The following PTPRD variants were observed in gnomAD, a reference collection of about 807,000 sequenced individuals.
PTPRD encodes receptor-type tyrosine-protein phosphatase delta.
Under a neutral mutation model 214.5 loss-of-function variants are expected in PTPRD, and 34 were observed. The observed-to-expected ratio is 0.16, with a 90% CI of 0.12 to 0.21. PTPRD has a LOEUF of 0.21. Ranked by LOEUF, PTPRD falls within the 10% of genes least tolerant of loss-of-function variation. PTPRD has a pLI of 1.00. For missense variants in PTPRD, 2,545 were observed against 2,398.7 expected, an observed-to-expected ratio of 1.06 and a Z score of -1.27; for synonymous variants, 1,128 against 845.7, an observed-to-expected ratio of 1.33 and a Z score of -5.79.
intron 5 of PTPRD, among the ~76,000 whole-genome samples, chr9:9,767,800 T>C (rs1442283371): frequency 6.6e-6 from 1 of 152,170 alleles, no homozygotes; most frequent in African/African-American, 2.4e-5. Context: ...CCATATTTAA[T>C]ATTCTCAAAC....
At chr9:8,560,468 C>T (rs1440219114) in intron 14 of PTPRD, among the ~76,000 whole-genome samples, 1 of 138,880 alleles carries the variant, frequency 7.2e-6, no homozygotes, top group African/African-American at 3.1e-5. Flanking sequence ...CACACACACA[C>T]ACACATATAT....
chr9:10,143,286 A>C (rs1355003180), intron 3 of PTPRD, among the ~76,000 whole-genome samples: 1 of 151,730 alleles, frequency 6.6e-6, no homozygotes, highest in Non-Finnish European at 1.5e-5. Flanking sequence ...ATAATAAATA[A>C]AATAAAATAA....
At chr9:9,286,133 C>A (rs1320028624) in intron 9 of PTPRD, among the ~76,000 whole-genome samples, 1 of 151,788 alleles carries the variant, frequency 6.6e-6, no homozygotes, top group Admixed American at 6.6e-5. Context: ...CTATCCTCTT[C>A]TTTCTCCCAC....
chr9:10,442,590 T>A lies in PTPRD; in HGVS notation c.-599-101573A>T, dbSNP rs189857396. Among the ~76,000 whole-genome samples the A allele has an allele frequency of 2.1e-3, 311 of 151,674 alleles. 2 individuals are homozygous for A. Among genetic ancestry groups the A allele is most frequent in the Middle Eastern group, 6.8e-3 (2 of 294 alleles). ...ATAGGTAAATTAACAAAGCAAGGGTTAATAAGGGAGAGAACTTGGTAGCAA... is the reference window on the plus strand; with the variant it reads ...ATAGGTAAATTAACAAAGCAAGGGTAAATAAGGGAGAGAACTTGGTAGCAA... On this transcript the variant is annotated intron_variant, in intron 2 of 45. Transcript: ENST00000381196.
intron 3 of PTPRD, among the ~76,000 whole-genome samples, chr9:10,089,533 T>G (rs1345608617): frequency 6.6e-6 from 1 of 151,626 alleles, no homozygotes; most frequent in Non-Finnish European, 1.5e-5. Context: ...AATGTCATAA[T>G]AATGTTGAGG....
chr9:9,312,976 T>C (rs549057334), intron 9 of PTPRD, among the ~76,000 whole-genome samples: 11 of 152,338 alleles, frequency 7.2e-5, no homozygotes, highest in African/African-American at 2.6e-4. Flanking sequence ...TACTCATGGA[T>C]TGACACAAAA....
In PTPRD at chr9:8,989,960, A is replaced by C. The variant is rs142153340; in HGVS notation, c.-104+28737T>G. Among the ~76,000 whole-genome samples, 769 of 152,326 alleles carry C rather than the reference A, an allele frequency of 5.0e-3. 7 individuals carry two copies. Among genetic ancestry groups the C allele is most frequent in the African/African-American group, 0.017 (724 of 41,574 alleles). On this transcript the variant is annotated intron_variant, in intron 11 of 45. Transcript: ENST00000381196. The stretch of plus-strand genomic sequence containing the variant: ...TATTTACTCAGACAGTTCTCTTTAT[A>C]AGGGCTATAAAGAAACTTATTTGAA...
chr9:10,146,313 C>T (rs1443439658), intron 3 of PTPRD, among the ~76,000 whole-genome samples: 1 of 151,798 alleles, frequency 6.6e-6, no homozygotes, highest in African/African-American at 2.4e-5. Context: ...ACTATCTAGG[C>T]AGAAAAACAC....
chr9:10,544,070 GA>G (rs2135403222), intron 2 of PTPRD, among the ~76,000 whole-genome samples: 1 of 152,030 alleles, frequency 6.6e-6, no homozygotes, highest in East Asian at 1.9e-4. Flanking sequence ...TAATAACTTT[GA>G]AAAACAAATA....
intron 7 of PTPRD, among the ~76,000 whole-genome samples, chr9:9,617,320 T>C (rs2094933661): frequency 6.6e-6 from 1 of 152,132 alleles, no homozygotes; most frequent in South Asian, 2.1e-4. Context: ...AAGCATGTTA[T>C]TGGAGGTAGA....
intron 5 of PTPRD, among the ~76,000 whole-genome samples, chr9:9,788,936 T>C (rs2098947106): frequency 6.6e-6 from 1 of 152,206 alleles, no homozygotes; most frequent in Admixed American, 6.5e-5. Context: ...GTTATCGCTT[T>C]ACTCACAAGT....
At chr9:9,778,405 G>A (rs1456726566) in intron 5 of PTPRD, among the ~76,000 whole-genome samples, 2 of 152,184 alleles carry the variant, frequency 1.3e-5, no homozygotes, top group African/African-American at 2.4e-5. Flanking sequence ...CCTTCAGGTG[G>A]TGTGTAGCAC....
chr9:10,200,445 G>T (rs1436319145), intron 3 of PTPRD, among the ~76,000 whole-genome samples: 1 of 152,046 alleles, frequency 6.6e-6, no homozygotes, highest in Non-Finnish European at 1.5e-5. Flanking sequence ...ATTAAACAAG[G>T]CATAAGACAG....
At chr9:10,284,954 C>G (rs2095293950) in intron 3 of PTPRD, among the ~76,000 whole-genome samples, 1 of 152,156 alleles carries the variant, frequency 6.6e-6, no homozygotes. Context: ...AATGAGTCTT[C>G]TATATCAGCA....
intron 2 of PTPRD, among the ~76,000 whole-genome samples, chr9:10,353,989 A>G (rs887048099): frequency 6.6e-5 from 10 of 152,116 alleles, no homozygotes; most frequent in African/African-American, 2.2e-4. Context: ...GACATAAAGA[A>G]TAATATAGTG....
In PTPRD at chr9:9,203,787, T is replaced by A. The variant is rs761492458; in HGVS notation, c.-202-20424A>T. Among the ~76,000 whole-genome samples, 76 of 152,198 alleles carry A rather than the reference T, an allele frequency of 5.0e-4. 1 individual carries two copies. Among genetic ancestry groups the A allele is most frequent in the Non-Finnish European group, 9.7e-4 (66 of 68,042 alleles). On this transcript the variant is annotated intron_variant, in intron 9 of 45. Coordinates refer to ENST00000381196, the MANE Select transcript of PTPRD (RefSeq NM_002839.4). Reference sequence around the variant, plus strand: ...ATGGACTCAGACAAACAATACATGCTTTATAGCAAAGAAAAAGGTCTTAGG... The same window carrying A: ...ATGGACTCAGACAAACAATACATGCATTATAGCAAAGAAAAAGGTCTTAGG...
At chr9:9,485,045 A>G (rs2095570718) in intron 8 of PTPRD, among the ~76,000 whole-genome samples, 1 of 152,208 alleles carries the variant, frequency 6.6e-6, no homozygotes, top group African/African-American at 2.4e-5. Flanking sequence ...TTGTTCCCCA[A>G]AGTGCATTCA....
At chr9:9,023,055 T>C (rs1474108602) in intron 10 of PTPRD, among the ~76,000 whole-genome samples, 2 of 152,146 alleles carry the variant, frequency 1.3e-5, no homozygotes, top group African/African-American at 2.4e-5. Context: ...ATCCCAGATT[T>C]TTGTTTCTTC....
chr9:9,294,055 TAACTAAG>T (rs1183014946), intron 9 of PTPRD, among the ~76,000 whole-genome samples: 3 of 151,646 alleles, frequency 2.0e-5, no homozygotes, highest in Non-Finnish European at 2.9e-5. Flanking sequence ...GTTGACCTGA[TAACTAAG>T]AAGGCTGTTA....
Sources: allele counts gnomAD v4.1 joint callset (sites outside exome capture counted in the v4.1 genomes callset), GRCh38; gene constraint gnomAD v4.1.1; transcripts MANE v1.5; gene names NCBI Gene and HGNC (gene_info 2026-07-23, HGNC 2026-07-21).